RMDN3: variants seen among roughly 807,000 people sequenced by gnomAD.
RMDN3 encodes regulator of microtubule dynamics protein 3.
Under a neutral mutation model 61.8 loss-of-function variants are expected in RMDN3, and 41 were observed. The observed-to-expected ratio is 0.66, with a 90% CI of 0.52 to 0.86. The LOEUF (loss-of-function observed/expected upper bound fraction) is 0.86. RMDN3 is among the 40% of genes least tolerant of loss of function. The pLI, the probability that RMDN3 is intolerant of heterozygous loss-of-function variation, is 0.00. For missense variants in RMDN3, 557 were observed against 585.3 expected (o/e 0.95, Z 0.50); for synonymous variants, 247 against 232.0 (o/e 1.06, Z -0.59).
chr15:40,753,734 T>C (rs1897922269), intron 2 of RMDN3, among the ~76,000 whole-genome samples: 1 of 152,166 alleles, frequency 6.6e-6, no homozygotes, highest in East Asian at 1.9e-4. Context: ...CTGGACCAGG[T>C]GACCAGGCCC....
chr15:40,750,219 T>G (rs1019908657), intron 4 of RMDN3, among the ~76,000 whole-genome samples: 1 of 140,666 alleles, frequency 7.1e-6, no homozygotes, highest in East Asian at 2.0e-4. Context: ...CGTTTTTTTT[T>G]TTTTTTTTTT....
chr15:40,737,027 A>G (rs1474386900), intron 12 of RMDN3, 97 bp downstream of exon 12: 9 of 996,572 alleles, frequency 9.0e-6, no homozygotes, highest in Non-Finnish European at 1.4e-5. Flanking sequence ...CTAATTTTGT[A>G]ATTTTAGTAG....
Position 40,754,661 on chromosome 15 carries a change from A to G in RMDN3, c.123T>C (p.His41=), listed in dbSNP as rs748472373. ...YSQRWKRTQR[H]GRSQSLPNSL... ...AGTTGGGCAGGCTCTGGCTGCGGCCATGACGCTGGGTCCGTTTCCATCGCT... is the reference window on the plus strand; with the variant it reads ...AGTTGGGCAGGCTCTGGCTGCGGCCGTGACGCTGGGTCCGTTTCCATCGCT... Residue 41 remains histidine, a synonymous_variant, in exon 2 of 13, where the codon CAT becomes CAC. Transcript: ENST00000338376. 6.8e-6 allele frequency: 11 copies of G among 1,614,002 alleles called. No individual in the cohort carries two copies. The highest frequency in any genetic ancestry group is 1.6e-4 in the Middle Eastern group (1 of 6,082).
In RMDN3 at chr15:40,737,292, G is replaced by T. The variant is rs1454358389; in HGVS notation, c.1274C>A (p.Ser425Tyr). ...GFSKAGRVYI[S>Y]KCYRELGKNS... The stretch of plus-strand genomic sequence containing the variant: ...GAAGTAGACAAATGAGTTTACCTTG[G>T]AAATATATACCCTTCCTGCTTTGGA... Residue 425 changes from serine (S) to tyrosine (Y), a missense_variant, in exon 11 of 13, where the codon TCC becomes TAC. Ser to Tyr is a moderately radical substitution (Grantham distance 144). Transcript: ENST00000338376. The T allele has an allele frequency of 6.2e-7, 1 of 1,613,806 alleles. No individual in the cohort carries two copies. The highest frequency in any genetic ancestry group is 8.5e-7 in the Non-Finnish European group (1 of 1,179,832).
At chr15:40,750,032 A>T (rs752904015) in intron 4 of RMDN3, among the ~76,000 whole-genome samples, 7 of 152,082 alleles carry the variant, frequency 4.6e-5, no homozygotes, top group Non-Finnish European at 8.8e-5. Context: ...ATACGATTAT[A>T]ATGGAGCTGA....
In RMDN3 at chr15:40,737,387, T is replaced by TAATC. The variant is rs749733702; in HGVS notation, c.1225-50_1225-47dup. 2.4e-5 allele frequency: 37 copies of TAATC among 1,557,184 alleles called. No homozygotes were observed. The Admixed American group carries it at 6.0e-4, about 25-fold the overall frequency. On this transcript the variant is annotated intron_variant, in intron 10 of 12. Coordinates refer to ENST00000338376, the MANE Select transcript of RMDN3 (RefSeq NM_018145.3). ...ATTTCAGTAAGAGGTTCCTATATTCTAATCAGGCTGAAGTTTATTAAACTA... is the reference window on the plus strand; with the variant it reads ...ATTTCAGTAAGAGGTTCCTATATTCTAATCAATCAGGCTGAAGTTTATTAAACTA...
chr15:40,737,749 T>C (rs766618371), intron 9 of RMDN3, 23 bp from the exon 10 acceptor site: 6 of 1,604,540 alleles, frequency 3.7e-6, no homozygotes, highest in Non-Finnish European at 5.1e-6. Flanking sequence ...GATCAAGGTG[T>C]GTATAAGAGG....
At chr15:40,739,767 G>T in intron 7 of RMDN3, 1 of 207,358 alleles carries the variant, frequency 4.8e-6, no homozygotes, top group Non-Finnish European at 9.9e-6. Flanking sequence ...AGCAGCCAGG[G>T]ATCACACGCA....
At chr15:40,738,134 C>T in intron 8 of RMDN3, 92 bp from the exon 9 acceptor site, 2 of 1,340,812 alleles carry the variant, frequency 1.5e-6, no homozygotes, top group Non-Finnish European at 2.1e-6. Context: ...TGCCTGTAAT[C>T]CCTGCACTTT....
intron 4 of RMDN3, among the ~76,000 whole-genome samples, chr15:40,749,711 GTC>G (rs1261433640): frequency 6.6e-6 from 1 of 152,108 alleles, no homozygotes. Context: ...TACTTCCTCG[GTC>G]TCTCTCTTCA....
At chr15:40,743,876 T>C (rs1430174916) in intron 6 of RMDN3, among the ~76,000 whole-genome samples, 171 bp downstream of exon 6, 2 of 152,222 alleles carry the variant, frequency 1.3e-5, no homozygotes, top group Non-Finnish European at 2.9e-5. Context: ...ACTGCTCTCT[T>C]CTTCCAGAGG....
intron 5 of RMDN3, among the ~76,000 whole-genome samples, chr15:40,744,638 G>GA (rs921159447): frequency 3.3e-4 from 49 of 148,454 alleles, no homozygotes; most frequent in Middle Eastern, 3.5e-3. Flanking sequence ...GAAATGAGGA[G>GA]AAAAAAAAAA....
intron 3 of RMDN3, 57 bp downstream of exon 3, chr15:40,751,929 C>G: frequency 6.4e-7 from 1 of 1,560,476 alleles, no homozygotes; most frequent in South Asian, 1.2e-5. Context: ...CAGAACACAC[C>G]CCAGCTGAAA....
chr15:40,736,861 GT>G (rs1033196823), intron 12 of RMDN3, among the ~76,000 whole-genome samples: 1 of 151,112 alleles, frequency 6.6e-6, no homozygotes, highest in Non-Finnish European at 1.5e-5. Flanking sequence ...GTTTTGTTTG[GT>G]TTTTTTTTGA....
chr15:40,749,183 C>T (rs948449454), intron 4 of RMDN3, among the ~76,000 whole-genome samples: 1 of 152,148 alleles, frequency 6.6e-6, no homozygotes, highest in Non-Finnish European at 1.5e-5. Flanking sequence ...GATTACAGGC[C>T]TGAGCCACCG....
rs776572463 is a variant in RMDN3, at chr15:40,745,020, C to G, written c.764G>C (p.Gly255Ala). ...CAGCAGCTGGAAGCCCTCCCGCTTG[C>G]CTTGCTCATCACCCCTGTGCAGCTC... Reference protein sequence around the residue: ...ADELHRGDEQGKREGFQLLLN... With the variant: ...ADELHRGDEQAKREGFQLLLN... The change falls in exon 5 of 13, where the codon GGC becomes GCC. Residue 255 changes from glycine (G) to alanine (A), a missense_variant. Gly to Ala is a moderately conservative substitution (Grantham distance 60). Transcript: ENST00000338376. 3 of 1,612,316 alleles carry G rather than the reference C, an allele frequency of 1.9e-6. No individual in the cohort carries two copies. The East Asian group carries it at 6.7e-5, about 36-fold the overall frequency.
intron 2 of RMDN3, among the ~76,000 whole-genome samples, chr15:40,752,427 G>A (rs1358259202): frequency 6.6e-6 from 1 of 151,846 alleles, no homozygotes; most frequent in Non-Finnish European, 1.5e-5. Context: ...CACCACGATA[G>A]ATAATGTAAC....
intron 2 of RMDN3, among the ~76,000 whole-genome samples, chr15:40,753,708 T>C (rs1255338356): frequency 1.3e-5 from 2 of 152,198 alleles, no homozygotes; most frequent in African/African-American, 2.4e-5. Context: ...CCTAGCCCTA[T>C]GCCGTAGAAA....
intron 7 of RMDN3, among the ~76,000 whole-genome samples, chr15:40,739,884 C>T (rs993336388): frequency 6.6e-6 from 1 of 152,136 alleles, no homozygotes; most frequent in Non-Finnish European, 1.5e-5. Context: ...CAAAGCTACT[C>T]ATTTCTCCAA....
Sources: allele counts gnomAD v4.1 joint callset (sites outside exome capture counted in the v4.1 genomes callset), GRCh38; gene constraint gnomAD v4.1.1; transcripts MANE v1.5; gene names NCBI Gene and HGNC (gene_info 2026-07-23, HGNC 2026-07-21).